SLC24A3: variants seen among roughly 807,000 people sequenced by gnomAD.
SLC24A3 encodes solute carrier family 24 member 3, also known as sodium/potassium/calcium exchanger 3.
Under a neutral mutation model 75.8 loss-of-function variants are expected in SLC24A3, and 28 were observed. That is an observed-to-expected ratio of 0.37 (90% CI 0.27 to 0.51). SLC24A3 has a LOEUF of 0.51. Ranked by LOEUF, SLC24A3 falls within the 20% of genes least tolerant of loss-of-function variation. SLC24A3 has a pLI of 0.94. For synonymous variants in SLC24A3, 372 were observed against 334.1 expected (o/e 1.11, Z -1.24); for missense variants, 663 against 847.8 (o/e 0.78, Z 2.71).
chr20:19,502,205 T>C (rs1271856183), intron 2 of SLC24A3, among the ~76,000 whole-genome samples: 1 of 152,098 alleles, frequency 6.6e-6, no homozygotes, highest in East Asian at 1.9e-4. Flanking sequence ...CATCAGAGAT[T>C]GGAGCTTGGG....
chr20:19,223,383 C>T (rs1350389773), intron 1 of SLC24A3, among the ~76,000 whole-genome samples: 1 of 152,140 alleles, frequency 6.6e-6, no homozygotes, highest in African/African-American at 2.4e-5. Context: ...AGTATAATAT[C>T]ATAACCAGGG....
intron 2 of SLC24A3, among the ~76,000 whole-genome samples, chr20:19,506,500 T>C (rs1361482764): frequency 3.3e-5 from 5 of 152,200 alleles, no homozygotes; most frequent in Admixed American, 1.3e-4. Context: ...TATTAGAAAG[T>C]TGGACCCTAG....
intron 2 of SLC24A3, among the ~76,000 whole-genome samples, chr20:19,430,055 G>A (rs748047294): frequency 5.1e-4 from 77 of 152,308 alleles, no homozygotes; most frequent in Middle Eastern, 6.8e-3. Flanking sequence ...GAGTCCCAAG[G>A]GGGAGAGGGA....
chr20:19,515,746 C>T (rs896009592), intron 3 of SLC24A3, among the ~76,000 whole-genome samples, 182 bp downstream of exon 3: 30 of 152,282 alleles, frequency 2.0e-4, no homozygotes, highest in South Asian at 1.5e-3. Flanking sequence ...CCACAGCTTT[C>T]GAAGGTGGAG....
intron 2 of SLC24A3, among the ~76,000 whole-genome samples, chr20:19,469,590 G>T (rs1341371897): frequency 1.3e-5 from 2 of 152,174 alleles, no homozygotes; most frequent in African/African-American, 4.8e-5. Flanking sequence ...GTAGACATCA[G>T]TGACCTGAGG....
At chr20:19,513,383 A>G (rs978622646) in intron 2 of SLC24A3, among the ~76,000 whole-genome samples, 1 of 152,244 alleles carries the variant, frequency 6.6e-6, no homozygotes, top group African/African-American at 2.4e-5. Context: ...AACTGGAATA[A>G]TAATCTGTTT....
chr20:19,466,975 G>A (rs1051057173), intron 2 of SLC24A3, among the ~76,000 whole-genome samples: 1 of 152,222 alleles, frequency 6.6e-6, no homozygotes, highest in South Asian at 2.1e-4. Context: ...ATTCTAGTTA[G>A]GGGATACAGG....
At chr20:19,331,861 G>A (rs927880796) in intron 2 of SLC24A3, among the ~76,000 whole-genome samples, 19 of 152,190 alleles carry the variant, frequency 1.2e-4, no homozygotes, top group African/African-American at 4.6e-4. Context: ...TGAGGAATAG[G>A]TCGTGATGGG....
chr20:19,335,598 G>A (rs868643081), intron 2 of SLC24A3, among the ~76,000 whole-genome samples: 5 of 152,172 alleles, frequency 3.3e-5, no homozygotes, highest in Admixed American at 2.0e-4. Flanking sequence ...CCAGCTCAAT[G>A]CCCATATTTG....
intron 2 of SLC24A3, among the ~76,000 whole-genome samples, chr20:19,404,593 G>A (rs748426210): frequency 6.6e-6 from 1 of 152,202 alleles, no homozygotes; most frequent in Non-Finnish European, 1.5e-5. Flanking sequence ...GCACCTAGCT[G>A]ATGATTTGGG....
intron 2 of SLC24A3, among the ~76,000 whole-genome samples, chr20:19,437,319 T>G (rs567086366): frequency 6.6e-6 from 1 of 152,240 alleles, no homozygotes; most frequent in South Asian, 2.1e-4. Flanking sequence ...TCTCACAAGA[T>G]CTGATGGTTT....
chr20:19,366,120 T>C (rs1394502274), intron 2 of SLC24A3, among the ~76,000 whole-genome samples: 1 of 151,872 alleles, frequency 6.6e-6, no homozygotes, highest in African/African-American at 2.4e-5. Context: ...GCTATTATGC[T>C]ACAATTTGAC....
intron 6 of SLC24A3, among the ~76,000 whole-genome samples, chr20:19,598,522 A>ATATACCTGAGTGCCATTT (rs1286228281): frequency 1.3e-5 from 2 of 152,090 alleles, no homozygotes; most frequent in African/African-American, 4.8e-5. Flanking sequence ...CCTATAGTGC[A>ATATACCTGAGTGCCATTT]TATACCTGAG....
intron 2 of SLC24A3, among the ~76,000 whole-genome samples, chr20:19,445,698 T>A (rs1987370856): frequency 6.6e-6 from 1 of 152,130 alleles, no homozygotes; most frequent in Non-Finnish European, 1.5e-5. Context: ...ATTGAACCCC[T>A]GGTATTTATG....
intron 2 of SLC24A3, among the ~76,000 whole-genome samples, chr20:19,395,163 A>T (rs967347122): frequency 3.3e-5 from 5 of 152,176 alleles, no homozygotes; most frequent in African/African-American, 1.2e-4. Context: ...AGGAAGTTGG[A>T]TGGTGGTTGC....
intron 2 of SLC24A3, among the ~76,000 whole-genome samples, chr20:19,341,541 T>C (rs1183672799): frequency 6.6e-6 from 1 of 152,176 alleles, no homozygotes; most frequent in Non-Finnish European, 1.5e-5. Flanking sequence ...GGTCATCTGC[T>C]TACTTCACAG....
chr20:19,548,266 A>G (rs1307871469), intron 3 of SLC24A3, among the ~76,000 whole-genome samples: 1 of 152,218 alleles, frequency 6.6e-6, no homozygotes, highest in African/African-American at 2.4e-5. Flanking sequence ...GTCTCAAATT[A>G]GAAGACTTGG....
intron 1 of SLC24A3, among the ~76,000 whole-genome samples, chr20:19,275,438 A>G (rs1259423123): frequency 6.6e-6 from 1 of 152,204 alleles, no homozygotes; most frequent in Non-Finnish European, 1.5e-5. Context: ...TAAACCTCTT[A>G]TCAGAGAGCA....
intron 6 of SLC24A3, among the ~76,000 whole-genome samples, chr20:19,605,328 ATT>A (rs11087289): frequency 2.0e-5 from 3 of 151,538 alleles, no homozygotes; most frequent in African/African-American, 7.3e-5. Context: ...TTCTCCTGTG[ATT>A]TTTTTTTTAA....
Sources: allele counts gnomAD v4.1 joint callset (sites outside exome capture counted in the v4.1 genomes callset), GRCh38; gene constraint gnomAD v4.1.1; transcripts MANE v1.5; gene names NCBI Gene and HGNC (gene_info 2026-07-23, HGNC 2026-07-21).